Variants in VAV3 observed in about 807,000 individuals in gnomAD.
The protein encoded by VAV3 is guanine nucleotide exchange factor VAV3.
A neutral mutation model predicts 131.2 loss-of-function variants in VAV3; 94 were observed. The observed-to-expected ratio is 0.72, with a 90% CI of 0.61 to 0.85. The LOEUF is 0.85. Among genes scored for constraint, VAV3 ranks in the 40% least tolerant of loss-of-function variants. VAV3 has a pLI of 0.00. For synonymous variants in VAV3, 349 were observed against 342.0 expected (o/e 1.02, Z -0.22); for missense variants, 939 against 1,002.7 (o/e 0.94, Z 0.86).
chr1:107,843,018 G>C (rs1250387833), intron 2 of VAV3, among the ~76,000 whole-genome samples: 1 of 152,118 alleles, frequency 6.6e-6, no homozygotes, highest in African/African-American at 2.4e-5. Flanking sequence ...GACAGACAGA[G>C]AGAATGCTAT....
At chr1:107,944,629 G>C (rs887926601) in intron 1 of VAV3, among the ~76,000 whole-genome samples, 2 of 152,174 alleles carry the variant, frequency 1.3e-5, no homozygotes, top group African/African-American at 2.4e-5. Context: ...TTATGAGACA[G>C]AGTCTCACTC....
chr1:107,900,161 A>G (rs576531919), intron 1 of VAV3, among the ~76,000 whole-genome samples: 1 of 152,218 alleles, frequency 6.6e-6, no homozygotes. Flanking sequence ...ACAGTTACAC[A>G]TGGATAGAAA....
In VAV3 at chr1:107,858,519, A is replaced by G. The variant is rs148958107; in HGVS notation, c.321+16382T>C. ...GCAGGAGGTGAGCAGTGCGTGAGTG[A>G]GCATTACTGCCTGAGCTCTGCCTAG... On this transcript the variant is annotated intron_variant, in intron 2 of 26. Coordinates refer to ENST00000370056, the MANE Select transcript of VAV3 (RefSeq NM_006113.5). Among the ~76,000 whole-genome samples the G allele has an allele frequency of 6.2e-3, 947 of 152,306 alleles. 7 individuals carry two copies. The highest frequency in any genetic ancestry group is 0.02 in the African/African-American group (822 of 41,564).
intron 2 of VAV3, among the ~76,000 whole-genome samples, chr1:107,784,554 T>C (rs1433187041): frequency 6.6e-6 from 1 of 152,192 alleles, no homozygotes; most frequent in Non-Finnish European, 1.5e-5. Flanking sequence ...ATTGCTTCAA[T>C]ATGAAAAATA....
chr1:107,622,055 T>A (rs1033319244), intron 20 of VAV3, among the ~76,000 whole-genome samples: 23 of 152,184 alleles, frequency 1.5e-4, no homozygotes, highest in Non-Finnish European at 8.8e-5. Flanking sequence ...TAAAGCAACA[T>A]AATATTAAAT....
chr1:107,822,062 G>A (rs1196631159), intron 2 of VAV3, among the ~76,000 whole-genome samples: 1 of 152,120 alleles, frequency 6.6e-6, no homozygotes, highest in Non-Finnish European at 1.5e-5. Context: ...GTGACTGCTG[G>A]TGCCTTTGTG....
chr1:107,770,706 C>T lies in VAV3; in HGVS notation c.578G>A (p.Arg193Gln), dbSNP rs746621549. The T allele has an allele frequency of 1.5e-5, 24 of 1,611,432 alleles. No homozygotes were observed. The highest frequency in any genetic ancestry group is 4.5e-5 in the East Asian group (2 of 44,698). ...HQPKCPENDIRSCCLAEIKQT... is the reference protein window; with the variant it reads ...HQPKCPENDIQSCCLAEIKQT... ...CTTAATTTCTGCTAGACAACAACTT[C>T]GTATATCATTTTCTGGACATTTCTG... Residue 193 changes from arginine to glutamine, a missense_variant, in exon 6 of 27, where the codon CGA becomes CAA. Physicochemically the swap from Arg to Gln is conservative, Grantham distance 43. Transcript: ENST00000370056.
rs1178501199 is a variant in VAV3, at chr1:107,716,846, C to T, written c.1503-11785G>A. On this transcript the variant is annotated intron_variant, in intron 15 of 26. Coordinates refer to ENST00000370056, the MANE Select transcript of VAV3 (RefSeq NM_006113.5). Reference sequence around the variant, plus strand: ...TCTTCCTTGTACCTCTGGTAGAATCCGGCTGTGAATCCGTCTGGTCCTGGA... The same window carrying T: ...TCTTCCTTGTACCTCTGGTAGAATCTGGCTGTGAATCCGTCTGGTCCTGGA... Among the ~76,000 whole-genome samples the T allele has an allele frequency of 3.3e-5, 5 of 152,198 alleles. No homozygotes were observed. The East Asian group carries it at 7.7e-4, about 24-fold the overall frequency.
chr1:107,809,847 C>T (rs1216273279), intron 2 of VAV3, among the ~76,000 whole-genome samples: 1 of 152,110 alleles, frequency 6.6e-6, no homozygotes, highest in Non-Finnish European at 1.5e-5. Flanking sequence ...ACAACTTTTT[C>T]TTTTTGTACA....
At chr1:107,736,615 G>C (rs1192124367) in intron 15 of VAV3, among the ~76,000 whole-genome samples, 1 of 152,112 alleles carries the variant, frequency 6.6e-6, no homozygotes, top group African/African-American at 2.4e-5. Flanking sequence ...TTGCTACAAA[G>C]AGAATAAAAT....
At chr1:107,689,162 T>G (rs1199890780) in intron 17 of VAV3, among the ~76,000 whole-genome samples, 1 of 152,100 alleles carries the variant, frequency 6.6e-6, no homozygotes, top group Non-Finnish European at 1.5e-5. Flanking sequence ...GGGCAGCATC[T>G]TTGCCTCCTT....
intron 24 of VAV3, among the ~76,000 whole-genome samples, chr1:107,601,372 A>G (rs1436189533): frequency 6.6e-6 from 1 of 152,130 alleles, no homozygotes; most frequent in Non-Finnish European, 1.5e-5. Context: ...AAACACTGAC[A>G]CCTGCCTTGA....
rs933429504 is a variant in VAV3 at position 107,723,277 on chromosome 1, G to A, written c.1503-18216C>T. Among the ~76,000 whole-genome samples, 9 of 152,090 alleles carry A rather than the reference G, an allele frequency of 5.9e-5. No individual in the cohort carries two copies. The East Asian group carries it at 7.8e-4, about 13-fold the overall frequency. On this transcript the variant is annotated intron_variant, in intron 15 of 26. Transcript: ENST00000370056. Reference sequence around the variant, plus strand: ...GTCCTCCCAGCCACAAGCATTCAGCGCCCATCTGATGTCACAGCCTCCCCT... The same window carrying A: ...GTCCTCCCAGCCACAAGCATTCAGCACCCATCTGATGTCACAGCCTCCCCT...
intron 2 of VAV3, among the ~76,000 whole-genome samples, chr1:107,835,471 G>A (rs1339994143): frequency 6.6e-6 from 1 of 152,150 alleles, no homozygotes; most frequent in African/African-American, 2.4e-5. Flanking sequence ...TGTGCGGTTT[G>A]TGGGCCAGTG....
At chr1:107,928,685 G>A (rs952270667) in intron 1 of VAV3, among the ~76,000 whole-genome samples, 1 of 152,128 alleles carries the variant, frequency 6.6e-6, no homozygotes, top group Admixed American at 6.6e-5. Flanking sequence ...CAGCAGGCTA[G>A]CTGAAAATAC....
intron 2 of VAV3, among the ~76,000 whole-genome samples, chr1:107,808,348 C>A (rs115991737): frequency 6.6e-6 from 1 of 152,002 alleles, no homozygotes; most frequent in Non-Finnish European, 1.5e-5. Context: ...AAAGATAAGG[C>A]AAAAGTAATG....
intron 1 of VAV3, among the ~76,000 whole-genome samples, chr1:107,911,114 G>A (rs1672349321): frequency 6.6e-6 from 1 of 152,006 alleles, no homozygotes; most frequent in Admixed American, 6.6e-5. Flanking sequence ...GACTCCCTTC[G>A]CCTCCCAACT....
chr1:107,856,639 G>A (rs1273789153), intron 2 of VAV3, among the ~76,000 whole-genome samples: 6 of 152,024 alleles, frequency 3.9e-5, no homozygotes, highest in Non-Finnish European at 7.4e-5. Flanking sequence ...TAATTCTCTT[G>A]TTTAGTAACC....
At chr1:107,599,306 C>T (rs1651653108) in intron 24 of VAV3, among the ~76,000 whole-genome samples, 1 of 152,176 alleles carries the variant, frequency 6.6e-6, no homozygotes, top group Non-Finnish European at 1.5e-5. Flanking sequence ...TGCCTTTATG[C>T]TTTCTGTATT....
Sources: allele counts gnomAD v4.1 joint callset (sites outside exome capture counted in the v4.1 genomes callset), GRCh38; gene constraint gnomAD v4.1.1; transcripts MANE v1.5; gene names NCBI Gene and HGNC (gene_info 2026-07-23, HGNC 2026-07-21).